The following PER3 variants were observed in gnomAD, a reference collection of about 807,000 sequenced individuals.
The protein encoded by PER3 is period circadian protein homolog 3.
A neutral mutation model predicts 127.2 loss-of-function variants in PER3; 107 were observed. The observed-to-expected ratio is 0.84, with a 90% CI of 0.72 to 0.99. The LOEUF is 0.99. Among genes scored for constraint, PER3 ranks in the 50% least tolerant of loss-of-function variants. The pLI is 0.00. For missense variants in PER3, 1,560 were observed against 1,525.8 expected (o/e 1.02, Z -0.37); for synonymous variants, 618 against 585.8 (o/e 1.05, Z -0.79).
intron 12 of PER3, 56 bp from the exon 13 acceptor site, chr1:7,810,381 CT>C (rs2150856787): frequency 7.9e-7 from 1 of 1,265,538 alleles, no homozygotes; most frequent in East Asian, 2.3e-5. Flanking sequence ...GTTTATGTAT[CT>C]TTTAGTGGAC....
At chr1:7,796,270 A>G (rs1174449899) in intron 6 of PER3, among the ~76,000 whole-genome samples, 1 of 150,654 alleles carries the variant, frequency 6.6e-6, no homozygotes, top group African/African-American at 2.4e-5. Flanking sequence ...TTATCATTGC[A>G]TCTAGAAATT....
At chr1:7,818,806 T>C (rs999499247) in intron 13 of PER3, among the ~76,000 whole-genome samples, 5 of 152,222 alleles carry the variant, frequency 3.3e-5, no homozygotes, top group African/African-American at 1.2e-4. Context: ...GCACAAATAA[T>C]CCATCAGTCA....
intron 14 of PER3, among the ~76,000 whole-genome samples, chr1:7,819,701 C>T (rs1160451451): frequency 6.6e-6 from 1 of 152,000 alleles, no homozygotes; most frequent in Non-Finnish European, 1.5e-5. Flanking sequence ...AACCCATGGC[C>T]CACAGGCTGC....
In PER3 at chr1:7,798,634, TG is replaced by T; in HGVS notation, c.755del (p.Cys252PhefsTer19). The stretch of plus-strand genomic sequence containing the variant: ...GCCAGAATTGGAATCGGAACCTTGC[TG>T]TCTCACTGTGGTTGAAAAGATTCAC... Reference protein sequence around the residue: ...AQPELESEPCCLTVVEKIHSG... With the variant: ...AQPELESEPCXLTVVEKIHSG... On this transcript the variant is annotated frameshift_variant, in exon 7 of 22. Transcript: ENST00000377532. LOFTEE classifies it high-confidence loss of function. 1 of 1,613,966 alleles carries T rather than the reference TG, an allele frequency of 6.2e-7. No homozygotes were observed. The highest frequency in any genetic ancestry group is 8.5e-7 in the Non-Finnish European group (1 of 1,179,796).
At chr1:7,814,044 G>A (rs2097234541) in intron 13 of PER3, among the ~76,000 whole-genome samples, 1 of 152,202 alleles carries the variant, frequency 6.6e-6, no homozygotes, top group Non-Finnish European at 1.5e-5. Flanking sequence ...ATCAATGCCA[G>A]AGATGAGGAA....
At chr1:7,814,025 A>G (rs1577810370) in intron 13 of PER3, among the ~76,000 whole-genome samples, 1 of 152,234 alleles carries the variant, frequency 6.6e-6, no homozygotes, top group Non-Finnish European at 1.5e-5. Context: ...GAAATGTAAC[A>G]TCTGTAACAT....
At chr1:7,840,168 C>G (rs945714755) in intron 21 of PER3, among the ~76,000 whole-genome samples, 1 of 152,056 alleles carries the variant, frequency 6.6e-6, no homozygotes, top group Non-Finnish European at 1.5e-5. Context: ...TTGAATCCCT[C>G]TAGTGAATTT....
At chr1:7,841,597 A>C (rs902596840) in intron 21 of PER3, among the ~76,000 whole-genome samples, 1 of 152,158 alleles carries the variant, frequency 6.6e-6, no homozygotes, top group Non-Finnish European at 1.5e-5. Context: ...CGAGTTCCAA[A>C]TAGTTACCTC....
Position 7,843,777 on chromosome 1 carries a change from C to T in PER3, c.*1022C>T, listed in dbSNP as rs192510953. 27 of 387,050 alleles carry T rather than the reference C, an allele frequency of 7.0e-5. No homozygotes were observed. Among genetic ancestry groups the T allele is most frequent in the African/African-American group, 5.1e-4 (23 of 45,482 alleles). 24.0% of individuals were successfully genotyped at this position (387,050 alleles called of 1,614,324 possible). On this transcript the variant is annotated 3_prime_UTR_variant, in exon 22 of 22. Coordinates refer to ENST00000377532, the MANE Select transcript of PER3 (RefSeq NM_001377275.1). ...ACGTCCAGGCGAGCCCAGTTGTCCT[C>T]GCCCACAGGGTCCTGCAGGCTCCAT... is the stretch of plus-strand genomic sequence containing the variant.
intron 14 of PER3, 141 bp downstream of exon 14, chr1:7,819,561 CACAT>C (rs1186860469): frequency 1.4e-6 from 1 of 718,350 alleles, no homozygotes. Context: ...GCGTGCCTAA[CACAT>C]ACGCTGAACA....
intron 13 of PER3, among the ~76,000 whole-genome samples, chr1:7,813,625 G>A (rs1381555138): frequency 6.6e-6 from 1 of 152,204 alleles, no homozygotes; most frequent in Non-Finnish European, 1.5e-5. Context: ...GCCACCAGCT[G>A]AGGCAAGAAG....
chr1:7,793,441 C>T (rs1432994958), intron 5 of PER3, among the ~76,000 whole-genome samples: 3 of 152,104 alleles, frequency 2.0e-5, no homozygotes, highest in Non-Finnish European at 4.4e-5. Context: ...TATCCATACA[C>T]AATAAAGTCA....
intron 10 of PER3, among the ~76,000 whole-genome samples, chr1:7,806,881 A>C (rs961551422): frequency 4.0e-5 from 6 of 148,780 alleles, no homozygotes; most frequent in East Asian, 4.0e-4. Flanking sequence ...TTTTGTAGAA[A>C]TTTTCACAAC....
In PER3 at chr1:7,798,571, A is replaced by G; in HGVS notation, c.691A>G (p.Ile231Val). ...KQEKCHSPFR[I>V]IPYLIHVHHP... Reference sequence around the variant, plus strand: ...AGAGAAGTGTCACTCCCCATTCCGGATCATCCCCTATCTGATTCATGTACA... The same window carrying G: ...AGAGAAGTGTCACTCCCCATTCCGGGTCATCCCCTATCTGATTCATGTACA... Residue 231 changes from isoleucine to valine, a missense_variant, in exon 7 of 22, where the codon ATC (isoleucine) becomes GTC (valine). Around this residue, in one of 3 missense-constraint regions of PER3, gnomAD observed 1,332 missense variants for 1,223.6 expected, o/e 1.09. Transcript: ENST00000377532. The G allele has an allele frequency of 6.2e-7, 1 of 1,613,250 alleles. No homozygotes were observed. Among genetic ancestry groups the G allele is most frequent in the South Asian group, 1.1e-5 (1 of 91,058 alleles).
Position 7,826,617 on chromosome 1 carries a change from G to A in PER3, c.2095G>A (p.Val699Ile), listed in dbSNP as rs763866598. The A allele has an allele frequency of 5.0e-6, 8 of 1,613,468 alleles. No individual in the cohort carries two copies. In the African/African-American group the frequency reaches 6.7e-5, roughly 13 times the overall value. The change falls in exon 17 of 22, where the codon GTT becomes ATT. Residue 699 changes from valine (V) to isoleucine (I), a missense_variant. Around this residue, in one of 3 missense-constraint regions of PER3, gnomAD observed 1,332 missense variants for 1,223.6 expected, o/e 1.09. Coordinates refer to ENST00000377532, the MANE Select transcript of PER3 (RefSeq NM_001377275.1). The surrounding 1 kb of genome is among the most constrained non-coding windows in gnomAD (Gnocchi z 4.2). ...AHTQKEEQNY[V>I]DKFREKILSS... is the part of the protein sequence containing the mutation. ...CACCCAGAAGGAAGAGCAGAATTAT[G>A]TTGATAAATTCCGAGAAAAGATCCT...
intron 6 of PER3, among the ~76,000 whole-genome samples, chr1:7,797,648 A>G (rs934760280): frequency 6.6e-6 from 1 of 151,970 alleles, no homozygotes; most frequent in Non-Finnish European, 1.5e-5. Context: ...AAAAAAAAAA[A>G]AAAAGAAAAA....
At chr1:7,798,342 C>T (rs1014438109) in intron 6 of PER3, among the ~76,000 whole-genome samples, 183 bp from the exon 7 acceptor site, 4 of 152,180 alleles carry the variant, frequency 2.6e-5, no homozygotes, top group Non-Finnish European at 4.4e-5. Context: ...ACCTCTTACT[C>T]GTTGAATAAT....
At chr1:7,793,515 TAAA>T (rs2097131200) in intron 5 of PER3, among the ~76,000 whole-genome samples, 1 of 151,920 alleles carries the variant, frequency 6.6e-6, no homozygotes, top group Non-Finnish European at 1.5e-5. Flanking sequence ...AGAAAGAGCT[TAAA>T]GAAAAAAAGA....
At position 7,843,280 on chromosome 1, in the gene PER3, A is replaced by C. The variant is rs536868508; in HGVS notation, c.*525A>C. 1 of 153,130 alleles carries C rather than the reference A, an allele frequency of 6.5e-6. No homozygotes were observed. The highest frequency in any genetic ancestry group is 1.5e-5 in the Non-Finnish European group (1 of 68,208). 9.5% of individuals were successfully genotyped at this position (153,130 alleles called of 1,614,324 possible). ...TGAAACATTCCGGTTTTCTCACAAC[A>C]CATTAGCACATACTGTCCATTAGCA... On this transcript the variant is annotated 3_prime_UTR_variant, in exon 22 of 22. Transcript: ENST00000377532.
Sources: gnomAD v4.1 joint callset for allele counts (sites outside exome capture counted in the v4.1 genomes callset) on GRCh38, gnomAD v4.1.1 for gene constraint, gnomAD v4.1.1 regional missense constraint, Gnocchi (gnomAD v3.1) non-coding constraint, MANE v1.5 for transcripts, NCBI Gene and HGNC (gene_info 2026-07-23, HGNC 2026-07-21) for gene names.